The following EDIL3 variants were observed in gnomAD, a reference collection of about 807,000 sequenced individuals.
EDIL3 encodes EGF like and discoidin domains 3, also known as EGF-like repeat and discoidin I-like domain-containing protein 3.
A neutral mutation model predicts 67.4 loss-of-function variants in EDIL3; 37 were observed. The observed-to-expected ratio is 0.55, with a 90% CI of 0.42 to 0.72. EDIL3 has a LOEUF of 0.72. Among genes scored for constraint, EDIL3 ranks in the 30% least tolerant of loss-of-function variants. The pLI is 0.00. For missense variants in EDIL3, 527 were observed against 586.3 expected (o/e 0.90, Z 1.04); for synonymous variants, 195 against 196.3 (o/e 0.99, Z 0.05).
chr5:84,227,383 T>C (rs981090053), intron 3 of EDIL3, among the ~76,000 whole-genome samples: 37 of 152,016 alleles, frequency 2.4e-4, no homozygotes, highest in African/African-American at 8.9e-4. Context: ...CACAATGAGA[T>C]ACCATCTCAC....
chr5:84,187,391 T>C (rs2112363966), intron 3 of EDIL3, among the ~76,000 whole-genome samples: 1 of 152,216 alleles, frequency 6.6e-6, no homozygotes, highest in African/African-American at 2.4e-5. Flanking sequence ...CATGAATAAC[T>C]TATAGTACAC....
At chr5:84,268,524 T>C (rs1401973641) in intron 1 of EDIL3, among the ~76,000 whole-genome samples, 1 of 152,220 alleles carries the variant, frequency 6.6e-6, no homozygotes. Flanking sequence ...ACTACTTCCT[T>C]CAGCTAACCT....
chr5:84,148,485 A>G (rs755813379), intron 4 of EDIL3, among the ~76,000 whole-genome samples: 1 of 152,150 alleles, frequency 6.6e-6, no homozygotes, highest in Admixed American at 6.6e-5. Context: ...AAACTAACAC[A>G]CCAACTCTTT....
At chr5:84,253,110 A>G (rs997997652) in intron 2 of EDIL3, among the ~76,000 whole-genome samples, 6 of 152,146 alleles carry the variant, frequency 3.9e-5, no homozygotes, top group African/African-American at 1.4e-4. Flanking sequence ...GATTTTTACT[A>G]TGCATAAGGT....
chr5:84,154,849 G>A (rs997863098), intron 4 of EDIL3, among the ~76,000 whole-genome samples: 6 of 151,594 alleles, frequency 4.0e-5, no homozygotes, highest in African/African-American at 7.3e-5. Context: ...ACAAGCGCCC[G>A]CCACCACGCC....
chr5:84,277,896 T>C (rs1745612860), intron 1 of EDIL3, among the ~76,000 whole-genome samples: 1 of 152,154 alleles, frequency 6.6e-6, no homozygotes, highest in African/African-American at 2.4e-5. Context: ...TGAAGGTCCT[T>C]TTACCGTAGT....
At chr5:84,084,518 A>G (rs1004738744) in intron 6 of EDIL3, among the ~76,000 whole-genome samples, 3 of 152,232 alleles carry the variant, frequency 2.0e-5, no homozygotes, top group Non-Finnish European at 4.4e-5. Flanking sequence ...GAATAGAACA[A>G]TATATATGTT....
chr5:84,019,108 C>T lies in EDIL3; in HGVS notation c.1137+41192G>A, dbSNP rs151267425. Among the ~76,000 whole-genome samples, 1,079 of 152,194 alleles carry T rather than the reference C, an allele frequency of 7.1e-3. 14 individuals are homozygous for T. Among genetic ancestry groups the T allele is most frequent in the African/African-American group, 0.025 (1,019 of 41,508 alleles). The stretch of plus-strand genomic sequence containing the variant: ...GACACATGCACACATATGTTTATTG[C>T]GGCACTATTCAGAACAGCAAAGACT... On this transcript the variant is annotated intron_variant, in intron 9 of 10. Coordinates refer to ENST00000296591, the MANE Select transcript of EDIL3 (RefSeq NM_005711.5).
intron 1 of EDIL3, among the ~76,000 whole-genome samples, chr5:84,297,802 T>C (rs1746080837): frequency 6.6e-6 from 1 of 152,158 alleles, no homozygotes; most frequent in Non-Finnish European, 1.5e-5. Context: ...GGAGAGCAGG[T>C]TCTTTTAACT....
chr5:84,123,098 C>T (rs1352042963), intron 5 of EDIL3, among the ~76,000 whole-genome samples: 1 of 151,902 alleles, frequency 6.6e-6, no homozygotes, highest in Admixed American at 6.6e-5. Context: ...CACATTTCCT[C>T]TTTTAAGAAA....
chr5:84,311,617 G>C (rs1746391890), intron 1 of EDIL3, among the ~76,000 whole-genome samples: 1 of 150,658 alleles, frequency 6.6e-6, no homozygotes, highest in African/African-American at 2.4e-5. Context: ...AGGGGGATTT[G>C]GCAGGGTCAT....
intron 4 of EDIL3, among the ~76,000 whole-genome samples, chr5:84,177,642 T>C (rs574172863): frequency 9.9e-5 from 15 of 152,250 alleles, no homozygotes; most frequent in Admixed American, 5.9e-4. Context: ...CAATGAGATA[T>C]GTTAATAAGA....
At position 83,943,507 on chromosome 5, in the gene EDIL3, T is replaced by C. The variant is rs930292253; in HGVS notation, c.1355A>G (p.Tyr452Cys). 6.2e-6 allele frequency: 10 copies of C among 1,612,612 alleles called. No individual in the cohort carries two copies. Among genetic ancestry groups the C allele is most frequent in the Admixed American group, 5.0e-5 (3 of 59,880 alleles). Residue 452 changes from tyrosine (Y) to cysteine (C), a missense_variant, in exon 11 of 11, where the codon TAT becomes TGT. This residue lies in a region of EDIL3 where 33 missense variants were observed against 63.7 expected (regional missense o/e 0.52). Transcript: ENST00000296591. ...HRKNVIDPPI[Y>C]ARHIRILPWS... is the part of the protein sequence containing the mutation. ...AGGAAGGATTCTTATGTGTCGTGCA[T>C]AGATGGGAGGGTCGATGACATTTTT...
chr5:84,249,099 T>G (rs1744969512), intron 2 of EDIL3, among the ~76,000 whole-genome samples: 1 of 152,194 alleles, frequency 6.6e-6, no homozygotes, highest in South Asian at 2.1e-4. Flanking sequence ...CCCTTCTCTC[T>G]AAGTTTTAGC....
intron 10 of EDIL3, among the ~76,000 whole-genome samples, chr5:83,956,744 A>C (rs143921397): frequency 4.2e-4 from 64 of 151,844 alleles, no homozygotes; most frequent in African/African-American, 1.5e-3. Flanking sequence ...TCTGAATAAC[A>C]GTTGATACCA....
intron 1 of EDIL3, among the ~76,000 whole-genome samples, chr5:84,305,257 A>T (rs1483044767): frequency 6.6e-6 from 1 of 152,208 alleles, no homozygotes; most frequent in Admixed American, 6.5e-5. Flanking sequence ...TGATTTCTCC[A>T]TGGATACATA....
chr5:84,341,688 A>T (rs11949495), intron 1 of EDIL3, among the ~76,000 whole-genome samples: 42,759 of 148,536 alleles, frequency 0.29, 6,884 homozygotes, highest in Middle Eastern at 0.38. Context: ...AAAATAGGCT[A>T]AACCTGAAAA....
chr5:84,225,986 T>C (rs1027560456), intron 3 of EDIL3, among the ~76,000 whole-genome samples: 3 of 151,714 alleles, frequency 2.0e-5, no homozygotes, highest in Non-Finnish European at 3.0e-5. Flanking sequence ...TTATTTATTC[T>C]ATTACTTTAC....
intron 4 of EDIL3, 140 bp downstream of exon 4, chr5:84,180,253 T>C (rs951154832): frequency 1.0e-5 from 9 of 890,280 alleles, no homozygotes; most frequent in Non-Finnish European, 1.4e-5. Flanking sequence ...GTGTATTCCA[T>C]GGGAGAGAAG....
Sources: allele counts gnomAD v4.1 joint callset (sites outside exome capture counted in the v4.1 genomes callset), GRCh38; gene constraint gnomAD v4.1.1; regional missense constraint gnomAD v4.1.1; transcripts MANE v1.5; gene names NCBI Gene and HGNC (gene_info 2026-07-23, HGNC 2026-07-21).